PCDHA8: variants seen among roughly 807,000 people sequenced by gnomAD.
The protein encoded by PCDHA8 is protocadherin alpha-8.
In PCDHA8, 53 loss-of-function variants were observed where a neutral mutation model predicts 61.8. That is an observed-to-expected ratio of 0.86 (90% confidence interval 0.69 to 1.08). PCDHA8 has a LOEUF of 1.08. Ranked by LOEUF, PCDHA8 falls within the 50% of genes least tolerant of loss-of-function variation. The probability of loss-of-function intolerance (pLI) is 0.00; values close to 1 mark genes in which losing one functional copy is unlikely to be tolerated. For missense variants in PCDHA8, 1,293 were observed against 1,245.0 expected, an observed-to-expected ratio of 1.04 and a Z score of -0.58; for synonymous variants, 618 against 556.6, an observed-to-expected ratio of 1.11 and a Z score of -1.55.
intron 1 of PCDHA8, chr5:140,870,876 G>T: frequency 1.2e-6 from 2 of 1,613,958 alleles, no homozygotes; most frequent in Non-Finnish European, 1.7e-6. Flanking sequence ...ACGTGGTGGC[G>T]AAGGTGCGCG....
chr5:140,989,889 C>T (rs1220430844), intron 3 of PCDHA8, among the ~76,000 whole-genome samples: 3 of 151,522 alleles, frequency 2.0e-5, no homozygotes, highest in Admixed American at 6.6e-5. Flanking sequence ...TTGGAGTCTC[C>T]GTTATTCACA....
intron 3 of PCDHA8, among the ~76,000 whole-genome samples, chr5:141,006,429 G>A (rs541690957): frequency 1.3e-5 from 2 of 152,004 alleles, no homozygotes; most frequent in South Asian, 4.2e-4. Context: ...TAGCCAGGAT[G>A]GTCTCAATCT....
At chr5:141,004,602 G>A (rs1345777080) in intron 3 of PCDHA8, among the ~76,000 whole-genome samples, 18 of 152,298 alleles carry the variant, frequency 1.2e-4, no homozygotes, top group African/African-American at 4.1e-4. Flanking sequence ...CAGTGCTTAG[G>A]CCTCATGCAG....
chr5:140,857,831 G>A (rs1554150713), intron 1 of PCDHA8: 1 of 1,597,806 alleles, frequency 6.3e-7, no homozygotes, highest in Non-Finnish European at 8.6e-7. Flanking sequence ...TAAGGTGCGC[G>A]CAGTGGACGC....
chr5:140,852,885 A>ATTT, intron 1 of PCDHA8: 1 of 778,088 alleles, frequency 1.3e-6, no homozygotes, highest in Non-Finnish European at 1.6e-6. Context: ...CATAAAACGT[A>ATTT]TTTTTTTTTT....
chr5:140,963,600 G>T (rs111244023), intron 1 of PCDHA8, among the ~76,000 whole-genome samples: 1 of 152,180 alleles, frequency 6.6e-6, no homozygotes, highest in Non-Finnish European at 1.5e-5. Context: ...AGTTCTAGAC[G>T]TAATTGGGAA....
At position 140,894,082 on chromosome 5, in the gene PCDHA8, A is replaced by C. The variant is rs2064311424; in HGVS notation, c.2394+50367A>C. On this transcript the variant is annotated intron_variant, in intron 1 of 3. Transcript: ENST00000531613. ...TTTTTAAATACATTTATTTTATTCC[A>C]GTATCTTCTAGCTCCTGGTGTTGCA... 3.3e-5 allele frequency among the ~76,000 whole-genome samples: 5 copies of C among 152,174 alleles called. No homozygotes were observed. In the South Asian group the frequency reaches 8.3e-4, roughly 25 times the overall value.
chr5:140,966,903 A>G (rs1554228870), intron 1 of PCDHA8: 2 of 1,599,926 alleles, frequency 1.3e-6, no homozygotes, highest in South Asian at 2.2e-5. Context: ...CAGCTGCGAT[A>G]CTCTGTGCCA....
intron 1 of PCDHA8, among the ~76,000 whole-genome samples, chr5:140,889,313 T>G (rs1554183863): frequency 6.6e-6 from 1 of 152,078 alleles, no homozygotes; most frequent in Non-Finnish European, 1.5e-5. Flanking sequence ...ACTGTTGAAG[T>G]TATCTGTATC....
At chr5:140,981,766 T>C (rs1321747581) in intron 2 of PCDHA8, among the ~76,000 whole-genome samples, 7 of 152,144 alleles carry the variant, frequency 4.6e-5, no homozygotes, top group Non-Finnish European at 1.0e-4. Flanking sequence ...CATACATAAA[T>C]GAATACTGCA....
intron 1 of PCDHA8, among the ~76,000 whole-genome samples, chr5:140,880,789 A>G (rs917582554): frequency 1.3e-5 from 2 of 152,230 alleles, no homozygotes; most frequent in African/African-American, 4.8e-5. Flanking sequence ...TAGAGGAGTA[A>G]TATAAATAGG....
chr5:140,971,857 T>G (rs1312639660), intron 1 of PCDHA8, among the ~76,000 whole-genome samples: 12 of 152,198 alleles, frequency 7.9e-5, no homozygotes, highest in African/African-American at 2.9e-4. Flanking sequence ...TAAATATTTG[T>G]TAACATCTAG....
At chr5:140,904,275 C>A (rs169087) in intron 1 of PCDHA8, among the ~76,000 whole-genome samples, 7,060 of 152,068 alleles carry the variant, frequency 0.046, 292 homozygotes, top group African/African-American at 0.11. Flanking sequence ...TGAATGAGAA[C>A]ATGTGGTGTT....
At chr5:140,921,385 A>C (rs571029849) in intron 1 of PCDHA8, among the ~76,000 whole-genome samples, 1 of 152,294 alleles carries the variant, frequency 6.6e-6, no homozygotes, top group East Asian at 1.9e-4. Flanking sequence ...CATATTTGAT[A>C]AACATTCACA....
chr5:140,860,136 T>C (rs2150487566), intron 1 of PCDHA8: 1 of 150,532 alleles, frequency 6.6e-6, no homozygotes, highest in East Asian at 2.0e-4. Context: ...TGTGTGTGTA[T>C]ATATATGTAT....
At chr5:140,883,080 A>T in intron 1 of PCDHA8, 1 of 1,614,140 alleles carries the variant, frequency 6.2e-7, no homozygotes, top group Non-Finnish European at 8.5e-7. Flanking sequence ...GATCCTGATG[A>T]TGGTACAAAT....
At chr5:140,875,253 A>C in intron 1 of PCDHA8, 1 of 1,053,108 alleles carries the variant, frequency 9.5e-7, no homozygotes, top group Non-Finnish European at 1.3e-6. Flanking sequence ...AATCAGTCAC[A>C]TGATGTCGCT....
intron 1 of PCDHA8, among the ~76,000 whole-genome samples, chr5:140,890,620 A>G (rs1554184472): frequency 6.6e-6 from 1 of 152,196 alleles, no homozygotes; most frequent in East Asian, 1.9e-4. Flanking sequence ...TTACCCTAGA[A>G]AATTAAGCAT....
rs782251882 is a variant in PCDHA8 at position 140,869,140 on chromosome 5, C to T, written c.2394+25425C>T. 4 of 1,613,188 alleles carry T rather than the reference C, an allele frequency of 2.5e-6. No homozygotes were observed. In the South Asian group the frequency reaches 3.3e-5, roughly 13 times the overall value. On this transcript the variant is annotated intron_variant, in intron 1 of 3. Coordinates refer to ENST00000531613, the MANE Select transcript of PCDHA8 (RefSeq NM_018911.3). ...TCAGAGAAGGGGATTGGGCACCCCA[C>T]GACTACAGCTCTGGCTTCTCCTCCT...
Sources: allele counts gnomAD v4.1 joint callset (sites outside exome capture counted in the v4.1 genomes callset), GRCh38; gene constraint gnomAD v4.1.1; transcripts MANE v1.5; gene names NCBI Gene and HGNC (gene_info 2026-07-23, HGNC 2026-07-21).